MDGA2: variants seen among roughly 807,000 people sequenced by gnomAD.
The protein encoded by MDGA2 is MAM domain containing glycosylphosphatidylinositol anchor 2, also known as MAM domain-containing glycosylphosphatidylinositol anchor protein 2.
A neutral mutation model predicts 117.8 loss-of-function variants in MDGA2; 40 were observed. The observed-to-expected ratio is 0.34, with a 90% CI of 0.26 to 0.44. The LOEUF (loss-of-function observed/expected upper bound fraction) is 0.44. MDGA2 is among the 20% of genes least tolerant of loss of function. The pLI is 1.00. For missense variants in MDGA2, 1,123 were observed against 1,250.6 expected (o/e 0.90, Z 1.54); for synonymous variants, 452 against 439.0 (o/e 1.03, Z -0.37).
At chr14:47,285,598 T>C (rs1888645017) in intron 2 of MDGA2, among the ~76,000 whole-genome samples, 1 of 152,160 alleles carries the variant, frequency 6.6e-6, no homozygotes, top group African/African-American at 2.4e-5. Context: ...AGGGCTTTAA[T>C]AGCTTCATAT....
intron 14 of MDGA2, among the ~76,000 whole-genome samples, chr14:46,872,562 T>C (rs1254758337): frequency 2.0e-5 from 3 of 151,950 alleles, no homozygotes; most frequent in Admixed American, 2.0e-4. Context: ...ACTTATATCA[T>C]GTGATATCTT....
chr14:47,533,312 T>C (rs570809473), intron 1 of MDGA2, among the ~76,000 whole-genome samples: 1 of 152,344 alleles, frequency 6.6e-6, no homozygotes, highest in Admixed American at 6.5e-5. Flanking sequence ...ACAGATCATG[T>C]TGCATACATT....
At chr14:47,376,517 C>T (rs564080228) in intron 1 of MDGA2, among the ~76,000 whole-genome samples, 16 of 152,040 alleles carry the variant, frequency 1.1e-4, no homozygotes, top group Admixed American at 7.2e-4. Flanking sequence ...ATTTTTAGAA[C>T]AATTTTCATT....
At chr14:47,033,533 CTCTT>C (rs1888736448) in intron 8 of MDGA2, among the ~76,000 whole-genome samples, 1 of 152,162 alleles carries the variant, frequency 6.6e-6, no homozygotes, top group Non-Finnish European at 1.5e-5. Context: ...CAGTTTCACT[CTCTT>C]TCTTTTCTTT....
At chr14:46,952,651 C>G (rs1885410104) in intron 9 of MDGA2, among the ~76,000 whole-genome samples, 1 of 151,750 alleles carries the variant, frequency 6.6e-6, no homozygotes, top group African/African-American at 2.4e-5. Flanking sequence ...ATTAACATAA[C>G]CCTGGTAAAG....
chr14:47,207,885 C>T (rs906838911), intron 3 of MDGA2, among the ~76,000 whole-genome samples: 1 of 151,964 alleles, frequency 6.6e-6, no homozygotes, highest in Non-Finnish European at 1.5e-5. Context: ...TTTTCAGATA[C>T]TTCAGTATTT....
chr14:47,256,181 C>T (rs1020042893), intron 2 of MDGA2, among the ~76,000 whole-genome samples: 17 of 151,328 alleles, frequency 1.1e-4, no homozygotes, highest in Non-Finnish European at 5.9e-5. Flanking sequence ...CCTATAATAC[C>T]TTCCTTTAAA....
chr14:47,522,468 T>C (rs556417948), intron 1 of MDGA2, among the ~76,000 whole-genome samples: 1 of 152,248 alleles, frequency 6.6e-6, no homozygotes, highest in Admixed American at 6.5e-5. Context: ...TTAAATAATT[T>C]TATACATGCA....
At chr14:47,612,213 T>TAGAC (rs1474826417) in intron 1 of MDGA2, among the ~76,000 whole-genome samples, 3 of 132,974 alleles carry the variant, frequency 2.3e-5, no homozygotes, top group Non-Finnish European at 4.9e-5. Context: ...GATAGACAGA[T>TAGAC]AGATAGATAG....
At position 47,526,470 on chromosome 14, in the gene MDGA2, A is replaced by G. The variant is rs1245679215; in HGVS notation, c.280+148047T>C. On this transcript the variant is annotated intron_variant, in intron 1 of 16. Coordinates refer to ENST00000399232, the MANE Select transcript of MDGA2 (RefSeq NM_001113498.3). The stretch of plus-strand genomic sequence containing the variant: ...TGGATCATAGTACTTTTGGGATCAA[A>G]ACTGTAAGCTAGTGGTATTTAAAAG... 2.0e-5 allele frequency among the ~76,000 whole-genome samples: 3 copies of G among 152,126 alleles called. No homozygotes were observed. The East Asian group carries it at 5.8e-4, about 29-fold the overall frequency.
At chr14:47,419,328 A>G (rs1024757690) in intron 1 of MDGA2, among the ~76,000 whole-genome samples, 3 of 151,944 alleles carry the variant, frequency 2.0e-5, no homozygotes, top group African/African-American at 4.8e-5. Context: ...TTTTTGTTCT[A>G]TCAGAGATTT....
intron 2 of MDGA2, among the ~76,000 whole-genome samples, chr14:47,224,720 C>T (rs747911240): frequency 6.6e-6 from 1 of 152,146 alleles, no homozygotes; most frequent in Non-Finnish European, 1.5e-5. Context: ...TGATCTGCCA[C>T]CAGAGCCTTG....
At position 47,457,632 on chromosome 14, in the gene MDGA2, T is replaced by C. The variant is rs139763253; in HGVS notation, c.281-156082A>G. On this transcript the variant is annotated intron_variant, in intron 1 of 16. Transcript: ENST00000399232. ...TTCTACAATGTTAACTCGACTGTTC[T>C]TTGCCTCGAATTTGGAGTTAATTAT... is the stretch of plus-strand genomic sequence containing the variant. 7.0e-3 allele frequency among the ~76,000 whole-genome samples: 1,059 copies of C among 152,274 alleles called. 12 individuals carry two copies. The highest frequency in any genetic ancestry group is 0.024 in the African/African-American group (1,011 of 41,574).
At chr14:47,101,859 T>A (rs1012277745) in intron 5 of MDGA2, among the ~76,000 whole-genome samples, 2 of 152,160 alleles carry the variant, frequency 1.3e-5, no homozygotes, top group African/African-American at 4.8e-5. Context: ...GACAGATACA[T>A]ATTTTTCAAA....
At position 47,370,468 on chromosome 14, in the gene MDGA2, G is replaced by GTTT. The variant is rs67255552; in HGVS notation, c.281-68921_281-68919dup. Among the ~76,000 whole-genome samples, 13 of 20,686 alleles carry GTTT rather than the reference G, an allele frequency of 6.3e-4. 6 individuals are homozygous for GTTT. Among genetic ancestry groups the GTTT allele is most frequent in the African/African-American group, 9.4e-4 (7 of 7,434 alleles). The allele number at this position is 20,686 out of a possible 152,430, so 13.6% of individuals were successfully genotyped here. A position where few individuals can be genotyped will look rare whatever the true frequency, so the allele number is the denominator to read the frequency against. ...TTACTATTTTCTAGGTCTACTTACT[G>GTTT]TTTTTTTTTTTTTTTTTTTTTTTTT... On this transcript the variant is annotated intron_variant, in intron 1 of 16. Coordinates refer to ENST00000399232, the MANE Select transcript of MDGA2 (RefSeq NM_001113498.3).
At chr14:47,206,196 C>G (rs561309535) in intron 3 of MDGA2, among the ~76,000 whole-genome samples, 184 of 152,120 alleles carry the variant, frequency 1.2e-3, no homozygotes, top group African/African-American at 4.3e-3. Flanking sequence ...CAAATGCCAT[C>G]ATGTCTTTGC....
chr14:47,227,284 C>T (rs1007733302), intron 2 of MDGA2, among the ~76,000 whole-genome samples: 4 of 152,114 alleles, frequency 2.6e-5, no homozygotes, highest in Admixed American at 6.5e-5. Context: ...CCCTGTGACT[C>T]TTAGCCGATG....
At chr14:47,264,762 C>A (rs1165149685) in intron 2 of MDGA2, among the ~76,000 whole-genome samples, 1 of 151,746 alleles carries the variant, frequency 6.6e-6, no homozygotes, top group African/African-American at 2.4e-5. Context: ...TGGTAGTATA[C>A]ACGTGCCATG....
At chr14:47,626,729 C>T (rs796199511) in intron 1 of MDGA2, among the ~76,000 whole-genome samples, 50 of 152,316 alleles carry the variant, frequency 3.3e-4, no homozygotes, top group African/African-American at 9.1e-4. Context: ...GATTTCTCCC[C>T]GGCCCTTAGC....
Sources: allele counts gnomAD v4.1 joint callset (sites outside exome capture counted in the v4.1 genomes callset), GRCh38; gene constraint gnomAD v4.1.1; transcripts MANE v1.5; gene names NCBI Gene and HGNC (gene_info 2026-07-23, HGNC 2026-07-21).